The following RPS6KA2 variants were observed in gnomAD, a reference collection of about 807,000 sequenced individuals.
RPS6KA2 encodes ribosomal protein S6 kinase A2.
In RPS6KA2, 42 loss-of-function variants were observed where a neutral mutation model predicts 91.8. The ratio of observed to expected loss-of-function variants is 0.46; its 90% CI spans 0.36 to 0.59. RPS6KA2 has a LOEUF of 0.59. Among genes scored for constraint, RPS6KA2 ranks in the 20% least tolerant of loss-of-function variants. The probability of loss-of-function intolerance (pLI) is 0.00; values close to 1 mark genes in which losing one functional copy is unlikely to be tolerated. For missense variants in RPS6KA2, 798 were observed against 978.5 expected, an observed-to-expected ratio of 0.82 and a Z score of 2.46; for synonymous variants, 414 against 393.6, an observed-to-expected ratio of 1.05 and a Z score of -0.61.
rs1265021799 is a variant in RPS6KA2, at chr6:166,701,464, A to G, written c.123+156736T>C. Reference sequence around the variant, plus strand: ...GAACCGAGCCTCTGGTGATCCAGCGATCATCACCATCCTCACCTTAGCATC... The same window carrying G: ...GAACCGAGCCTCTGGTGATCCAGCGGTCATCACCATCCTCACCTTAGCATC... On this transcript the variant is annotated intron_variant, in intron 2 of 21. Coordinates refer to the RPS6KA2 transcript ENST00000503859. 6 of 1,151,126 alleles carry G rather than the reference A, an allele frequency of 5.2e-6. No homozygotes were observed. The Admixed American group carries it at 8.5e-5, about 16-fold the overall frequency. The allele number at this position is 1,151,126 out of a possible 1,614,324, so 71.3% of individuals were successfully genotyped here.
intron 13 of RPS6KA2, among the ~76,000 whole-genome samples, chr6:166,449,137 G>A (rs970529884): frequency 2.6e-5 from 4 of 152,192 alleles, no homozygotes; most frequent in African/African-American, 4.8e-5. Flanking sequence ...CTGAGAGCAG[G>A]AGAATGTGAA....
At chr6:166,455,157 G>A (rs6913835) in intron 12 of RPS6KA2, among the ~76,000 whole-genome samples, 56,180 of 151,894 alleles carry the variant, frequency 0.37, 11,009 homozygotes, top group African/African-American at 0.49. Flanking sequence ...TTGAAAGGAA[G>A]AAAGTGCACC....
At position 166,681,456 on chromosome 6, in the gene RPS6KA2, C is replaced by T. The variant is rs542779106; in HGVS notation, c.124-142672G>A. Among the ~76,000 whole-genome samples the T allele has an allele frequency of 1.2e-4, 19 of 152,240 alleles. No homozygotes were observed. The East Asian group carries it at 2.3e-3, about 19-fold the overall frequency. On this transcript the variant is annotated intron_variant, in intron 2 of 21. Coordinates refer to the RPS6KA2 transcript ENST00000503859. Reference sequence around the variant, plus strand: ...TAAGGTCCAAGTTTCTTATCTGCACCCTCCACACGGCATCTCCTACCCCTA... The same window carrying T: ...TAAGGTCCAAGTTTCTTATCTGCACTCTCCACACGGCATCTCCTACCCCTA...
chr6:166,824,726 T>C lies in RPS6KA2; in HGVS notation c.123+33474A>G, dbSNP rs1035589036. The stretch of plus-strand genomic sequence containing the variant: ...CTGTGTGTGTGTGTCTGTGTGTATG[T>C]CTGTGTCTGTGTGTATGTCTGTATG... On this transcript the variant is annotated intron_variant, in intron 2 of 21. Coordinates refer to the RPS6KA2 transcript ENST00000503859. Among the ~76,000 whole-genome samples, 45 of 151,472 alleles carry C rather than the reference T, an allele frequency of 3.0e-4. 1 individual carries two copies. The highest frequency in any genetic ancestry group is 1.1e-3 in the African/African-American group (44 of 41,296).
intron 2 of RPS6KA2, among the ~76,000 whole-genome samples, chr6:166,646,455 G>A (rs1379445386): frequency 1.3e-5 from 2 of 152,230 alleles, no homozygotes; most frequent in Non-Finnish European, 2.9e-5. Flanking sequence ...TACAGGATAA[G>A]TCCTAGGCCA....
Position 166,508,011 on chromosome 6 carries a change from T to G in RPS6KA2, c.459+192A>C, listed in dbSNP as rs957616189. ...CCCCCCACCACACATCATGCACACT[T>G]GCACACACTCACACATGTACACCTC... On this transcript the variant is annotated intron_variant, in intron 5 of 20. Coordinates refer to ENST00000265678, the MANE Select transcript of RPS6KA2 (RefSeq NM_021135.6). The surrounding 1 kb of genome is among the most constrained non-coding windows in gnomAD (Gnocchi z 4.3). Among the ~76,000 whole-genome samples the G allele has an allele frequency of 3.6e-4, 50 of 138,876 alleles. No individual in the cohort carries two copies. The highest frequency in any genetic ancestry group is 4.2e-3 in the Middle Eastern group (1 of 240). 91.1% of individuals were successfully genotyped at this position (138,876 alleles called of 152,430 possible). A position where few individuals can be genotyped will look rare whatever the true frequency, so the allele number is the denominator to read the frequency against.
At position 166,550,731 on chromosome 6, in the gene RPS6KA2, G is replaced by A. The variant is rs9457177; in HGVS notation, c.100-11947C>T. 2.5e-3 allele frequency among the ~76,000 whole-genome samples: 379 copies of A among 152,208 alleles called. 2 individuals are homozygous for A. Among genetic ancestry groups the A allele is most frequent in the African/African-American group, 8.2e-3 (341 of 41,520 alleles). Reference sequence around the variant, plus strand: ...TTAAAGTGAAATTAGGGTTGGGCGCGATGGCTCACGCCTGTAATCCCAGCA... The same window carrying A: ...TTAAAGTGAAATTAGGGTTGGGCGCAATGGCTCACGCCTGTAATCCCAGCA... On this transcript the variant is annotated intron_variant, in intron 1 of 20. Transcript: ENST00000265678.
upstream of RPS6KA2, among the ~76,000 whole-genome samples, chr6:166,629,646 T>C (rs1461107849): frequency 6.6e-6 from 1 of 152,196 alleles, no homozygotes; most frequent in Non-Finnish European, 1.5e-5. Flanking sequence ...CAAATTATCC[T>C]TACCAAATAC....
At chr6:166,532,993 T>C (rs550204787) in intron 2 of RPS6KA2, among the ~76,000 whole-genome samples, 4 of 152,296 alleles carry the variant, frequency 2.6e-5, no homozygotes, top group Non-Finnish European at 1.5e-5. Flanking sequence ...CCATGGCTCT[T>C]GCTGGCAGAC....
In RPS6KA2 at chr6:166,423,222, G is replaced by GA. The variant is rs1778789121; in HGVS notation, c.1743+33dup. 1 of 1,580,478 alleles carries GA rather than the reference G, an allele frequency of 6.3e-7. No homozygotes were observed. The highest frequency in any genetic ancestry group is 1.7e-5 in the Admixed American group (1 of 58,698). ...GGGGCAGAGCCTGTCTTTGCGGATA[G>GA]AGAGGCCTGGGTCTGCAGTCGGGGA... On this transcript the variant is annotated intron_variant, in intron 17 of 20. Coordinates refer to ENST00000265678, the MANE Select transcript of RPS6KA2 (RefSeq NM_021135.6). This position sits in a 1 kb window ranked among gnomAD's most constrained non-coding sequence, Gnocchi z 4.8.
intron 2 of RPS6KA2, among the ~76,000 whole-genome samples, chr6:166,654,682 T>A (rs902129872): frequency 2.0e-5 from 3 of 152,264 alleles, no homozygotes; most frequent in African/African-American, 7.2e-5. Context: ...TTTACATTTA[T>A]GAACAAAGAG....
intron 2 of RPS6KA2, among the ~76,000 whole-genome samples, chr6:166,710,364 T>A (rs1346281791): frequency 6.6e-6 from 1 of 152,208 alleles, no homozygotes; most frequent in Non-Finnish European, 1.5e-5. Flanking sequence ...CCCACCATAA[T>A]GTACTTTGTT....
Position 166,419,767 on chromosome 6 carries a change from G to T in RPS6KA2, c.1820+115C>A. On this transcript the variant is annotated intron_variant, in intron 18 of 20. Transcript: ENST00000265678. This position sits in a 1 kb window ranked among gnomAD's most constrained non-coding sequence, Gnocchi z 5.6. ...GCCTGGGAGTGTTTGCATACACGTT[G>T]GGTTTGCCCACATGCGCACACTAGG... The T allele has an allele frequency of 1.2e-6, 1 of 819,494 alleles. No homozygotes were observed. The highest frequency in any genetic ancestry group is 2.1e-6 in the Non-Finnish European group (1 of 483,782). 50.8% of individuals were successfully genotyped at this position (819,494 alleles called of 1,614,324 possible).
chr6:166,601,987 A>T (rs769414248), intron 1 of RPS6KA2, among the ~76,000 whole-genome samples: 2 of 152,252 alleles, frequency 1.3e-5, no homozygotes, highest in Non-Finnish European at 2.9e-5. Flanking sequence ...ATGAAGAGTT[A>T]TTATACAGAA....
At position 166,497,304 on chromosome 6, in the gene RPS6KA2, CT is replaced by C. The variant is rs761351700; in HGVS notation, c.747+1203del. ...GCAGGCATTCTCTCAAGTGTCGTGC[CT>C]GTGCTCACGTGTTGAACTGCACGAC... is the stretch of plus-strand genomic sequence containing the variant. On this transcript the variant is annotated intron_variant, in intron 8 of 20. Transcript: ENST00000265678. 7.9e-5 allele frequency among the ~76,000 whole-genome samples: 12 copies of C among 152,254 alleles called. 1 individual carries two copies. The highest frequency in any genetic ancestry group is 1.6e-4 in the Non-Finnish European group (11 of 68,046).
At chr6:166,545,212 G>A (rs1295584579) in intron 1 of RPS6KA2, among the ~76,000 whole-genome samples, 1 of 152,200 alleles carries the variant, frequency 6.6e-6, no homozygotes, top group Non-Finnish European at 1.5e-5. Context: ...TCGATACAAT[G>A]CTCAAATGGA....
At chr6:166,811,940 C>T (rs1779647900) in intron 2 of RPS6KA2, among the ~76,000 whole-genome samples, 1 of 152,190 alleles carries the variant, frequency 6.6e-6, no homozygotes, top group South Asian at 2.1e-4. Flanking sequence ...TTCAGTGCCT[C>T]GTCAAGATGT....
At chr6:166,691,426 C>T (rs1789203599) in intron 2 of RPS6KA2, among the ~76,000 whole-genome samples, 1 of 152,140 alleles carries the variant, frequency 6.6e-6, no homozygotes, top group African/African-American at 2.4e-5. Context: ...GTGTGTCACT[C>T]CCTGCCCCAG....
rs1790355110 is a variant in RPS6KA2, at chr6:166,726,910, C to T, written c.123+131290G>A. ...TCTACCGTCCTGGGTGCTGTCTCCTCCACCACGTAAGCCAAACCTGATTTC... is the reference window on the plus strand; with the variant it reads ...TCTACCGTCCTGGGTGCTGTCTCCTTCACCACGTAAGCCAAACCTGATTTC... On this transcript the variant is annotated intron_variant, in intron 2 of 21. Coordinates refer to the RPS6KA2 transcript ENST00000503859. The surrounding 1 kb of genome is among the most constrained non-coding windows in gnomAD (Gnocchi z 4.4). 6.6e-6 allele frequency among the ~76,000 whole-genome samples: 1 copy of T among 152,170 alleles called. No homozygotes were observed. The highest frequency in any genetic ancestry group is 2.1e-4 in the South Asian group (1 of 4,820).
Sources: allele counts gnomAD v4.1 joint callset (sites outside exome capture counted in the v4.1 genomes callset), GRCh38; gene constraint gnomAD v4.1.1; non-coding constraint Gnocchi (gnomAD v3.1); transcripts MANE v1.5; gene names NCBI Gene and HGNC (gene_info 2026-07-23, HGNC 2026-07-21).